Variants in FMNL3 observed in about 807,000 individuals in gnomAD.
FMNL3 encodes formin-like protein 3.
In FMNL3, 57 loss-of-function variants were observed where a neutral mutation model predicts 119.6. The observed-to-expected ratio is 0.48, with a 90% CI of 0.39 to 0.59. The LOEUF is 0.59. FMNL3 is among the 20% of genes least tolerant of loss of function. The probability of loss-of-function intolerance (pLI) is 0.00; values close to 1 mark genes in which losing one functional copy is unlikely to be tolerated. For missense variants in FMNL3, 1,053 were observed against 1,323.5 expected, an observed-to-expected ratio of 0.80 and a Z score of 3.17; for synonymous variants, 491 against 507.3, an observed-to-expected ratio of 0.97 and a Z score of 0.43.
At chr12:49,699,221 T>C (rs1253719333) in intron 1 of FMNL3, among the ~76,000 whole-genome samples, 1 of 152,144 alleles carries the variant, frequency 6.6e-6, no homozygotes, top group Non-Finnish European at 1.5e-5. Context: ...CAGCCAACAC[T>C]GCTGTCCCAT....
intron 1 of FMNL3, among the ~76,000 whole-genome samples, chr12:49,669,855 A>AAAACC (rs1304281885): frequency 6.6e-6 from 1 of 152,038 alleles, no homozygotes; most frequent in Non-Finnish European, 1.5e-5. Flanking sequence ...AAAACAAAAC[A>AAAACC]AAACAAAACA....
In FMNL3 at chr12:49,644,088, T is replaced by G; in HGVS notation, c.*1727A>C. Reference sequence around the variant, plus strand: ...TGCAGGCTAAGGGTGAACTGTGCCTTTGCTCCAACAGACAGGCTGGGACAC... The same window carrying G: ...TGCAGGCTAAGGGTGAACTGTGCCTGTGCTCCAACAGACAGGCTGGGACAC... On this transcript the variant is annotated 3_prime_UTR_variant, in exon 26 of 26. Coordinates refer to ENST00000335154, the MANE Select transcript of FMNL3 (RefSeq NM_175736.5). 1 of 1,614,140 alleles carries G rather than the reference T, an allele frequency of 6.2e-7. No homozygotes were observed. The highest frequency in any genetic ancestry group is 8.5e-7 in the Non-Finnish European group (1 of 1,180,028).
Position 49,644,358 on chromosome 12 carries a change from G to A in FMNL3, c.*1457C>T, listed in dbSNP as rs1943059938. On this transcript the variant is annotated 3_prime_UTR_variant, in exon 26 of 26. Transcript: ENST00000335154. ...GGCACCTCTCAAGGTTGCTCTTGGT[G>A]TTCAAGGGTCCCCTACTCCCTGGAC... 4 of 767,662 alleles carry A rather than the reference G, an allele frequency of 5.2e-6. No homozygotes were observed. The highest frequency in any genetic ancestry group is 1.7e-5 in the South Asian group (1 of 59,320). 47.6% of individuals were successfully genotyped at this position (767,662 alleles called of 1,614,324 possible). A position where few individuals can be genotyped will look rare whatever the true frequency, so the allele number is the denominator to read the frequency against.
chr12:49,636,714 A>C lies in FMNL3; in HGVS notation c.*9101T>G. The C allele has an allele frequency of 6.2e-7, 1 of 1,614,048 alleles. No homozygotes were observed. Among genetic ancestry groups the C allele is most frequent in the Non-Finnish European group, 8.5e-7 (1 of 1,179,926 alleles). Reference sequence around the variant, plus strand: ...CCCGCGGAACCTCCTGCCTGTCTTTAGACATGGACAAGGAAGATGCACTGA... The same window carrying C: ...CCCGCGGAACCTCCTGCCTGTCTTTCGACATGGACAAGGAAGATGCACTGA... On this transcript the variant is annotated 3_prime_UTR_variant, in exon 26 of 26. Transcript: ENST00000335154.
Position 49,638,904 on chromosome 12 carries a change from T to A in FMNL3, c.*6911A>T, listed in dbSNP as rs140570681. 1 of 152,238 alleles carries A rather than the reference T, an allele frequency of 6.6e-6. No individual in the cohort carries two copies. The allele number at this position is 152,238 out of a possible 1,614,324, so 9.4% of individuals were successfully genotyped here. A position where few individuals can be genotyped will look rare whatever the true frequency, so the allele number is the denominator to read the frequency against. On this transcript the variant is annotated 3_prime_UTR_variant, in exon 26 of 26. Transcript: ENST00000335154. ...TAGAAATGTCTCACTGCATATACAT[T>A]TCTTTGAAGTACTGTTTTGCCTTAC... is the stretch of plus-strand genomic sequence containing the variant.
At chr12:49,703,265 C>T (rs567463165) in intron 1 of FMNL3, among the ~76,000 whole-genome samples, 2 of 152,278 alleles carry the variant, frequency 1.3e-5, no homozygotes, top group Admixed American at 6.5e-5. Context: ...TATGGAAAGT[C>T]CAGTACTGGC....
chr12:49,664,355 T>C (rs558303045), intron 4 of FMNL3, among the ~76,000 whole-genome samples: 1 of 152,156 alleles, frequency 6.6e-6, no homozygotes, highest in African/African-American at 2.4e-5. Context: ...CAGTGAGTCA[T>C]GATCATGTCA....
At chr12:49,690,741 T>C (rs192176993) in intron 1 of FMNL3, among the ~76,000 whole-genome samples, 2 of 152,232 alleles carry the variant, frequency 1.3e-5, no homozygotes, top group Admixed American at 6.5e-5. Context: ...TCCAAAGCAG[T>C]AGTAAGAGCA....
At chr12:49,651,759 G>C (rs1943409806) in intron 14 of FMNL3, among the ~76,000 whole-genome samples, 174 bp downstream of exon 14, 1 of 152,202 alleles carries the variant, frequency 6.6e-6, no homozygotes. Context: ...TCCCTGTGCT[G>C]ATAACTTGAG....
At chr12:49,697,532 T>G (rs1015086340) in intron 1 of FMNL3, among the ~76,000 whole-genome samples, 14 of 152,316 alleles carry the variant, frequency 9.2e-5, no homozygotes, top group African/African-American at 3.4e-4. Context: ...TTTAACAGCC[T>G]TGGCTCTCAG....
Position 49,653,412 on chromosome 12 carries a change from G to A in FMNL3, c.1222-85C>T, listed in dbSNP as rs183959157. 9.6e-5 allele frequency: 133 copies of A among 1,387,142 alleles called. 2 individuals are homozygous for A. The highest frequency in any genetic ancestry group is 8.2e-4 in the African/African-American group (58 of 70,632). The allele number at this position is 1,387,142 out of a possible 1,614,324, so 85.9% of individuals were successfully genotyped here. A position where few individuals can be genotyped will look rare whatever the true frequency, so the allele number is the denominator to read the frequency against. ...CTGAACCCTAGTCAAGACCTGAGTC[G>A]GACCCCTCAACACAAGGCCACAAAG... On this transcript the variant is annotated intron_variant, in intron 12 of 25. Coordinates refer to ENST00000335154, the MANE Select transcript of FMNL3 (RefSeq NM_175736.5).
chr12:49,675,270 C>T (rs1335378223), intron 1 of FMNL3, among the ~76,000 whole-genome samples: 1 of 152,216 alleles, frequency 6.6e-6, no homozygotes, highest in Non-Finnish European at 1.5e-5. Flanking sequence ...TAAAAAGCTA[C>T]TGCCACAGCA....
chr12:49,685,387 AGGAGGT>A (rs1944432286), intron 1 of FMNL3, among the ~76,000 whole-genome samples: 1 of 151,938 alleles, frequency 6.6e-6, no homozygotes, highest in South Asian at 2.1e-4. Flanking sequence ...ACCTGAACCC[AGGAGGT>A]GGAGGTTGCA....
intron 4 of FMNL3, among the ~76,000 whole-genome samples, chr12:49,662,868 T>C (rs898528360): frequency 1.3e-5 from 2 of 152,312 alleles, no homozygotes; most frequent in East Asian, 1.9e-4. Flanking sequence ...ATATGACAGG[T>C]TCATTCCATA....
intron 1 of FMNL3, among the ~76,000 whole-genome samples, chr12:49,688,135 G>A (rs1010175786): frequency 2.0e-5 from 3 of 152,196 alleles, no homozygotes; most frequent in African/African-American, 7.2e-5. Flanking sequence ...GCCAAACACT[G>A]GGGCCAGCCT....
intron 13 of FMNL3, 73 bp downstream of exon 13, chr12:49,653,153 G>A: frequency 7.3e-7 from 1 of 1,371,720 alleles, no homozygotes; most frequent in Non-Finnish European, 1.0e-6. Flanking sequence ...TATGACTCAG[G>A]GAAAAAAAGC....
Position 49,649,008 on chromosome 12 carries a change from AC to A in FMNL3, c.2515+20del, listed in dbSNP as rs772209799. 5 of 1,568,554 alleles carry A rather than the reference AC, an allele frequency of 3.2e-6. No individual in the cohort carries two copies. In the African/African-American group the frequency reaches 6.8e-5, roughly 21 times the overall value. ...CTGGGCTGGATGTGAGGGCAGGCCC[AC>A]CCAGCCAGGCTCTCCTCACCTGCTG... is the stretch of plus-strand genomic sequence containing the variant. On this transcript the variant is annotated intron_variant, in intron 21 of 25. Transcript: ENST00000335154. The surrounding 1 kb of genome is among the most constrained non-coding windows in gnomAD (Gnocchi z 5.6).
At chr12:49,700,952 G>A (rs1161219973) in intron 1 of FMNL3, among the ~76,000 whole-genome samples, 11 of 150,238 alleles carry the variant, frequency 7.3e-5, no homozygotes, top group East Asian at 4.0e-4. Flanking sequence ...GGTGGTGGGC[G>A]TCTGTAATCC....
Position 49,637,084 on chromosome 12 carries a change from A to T in FMNL3, c.*8731T>A. ...CACCACCCAGAAACTGCCAGTAGAG[A>T]GCACCCTACAGGCATGACTTGGCAG... is the stretch of plus-strand genomic sequence containing the variant. On this transcript the variant is annotated 3_prime_UTR_variant, in exon 26 of 26. Coordinates refer to ENST00000335154, the MANE Select transcript of FMNL3 (RefSeq NM_175736.5). 1 of 633,848 alleles carries T rather than the reference A, an allele frequency of 1.6e-6. No individual in the cohort carries two copies. Among genetic ancestry groups the T allele is most frequent in the Non-Finnish European group, 2.7e-6 (1 of 371,824 alleles). 39.3% of individuals were successfully genotyped at this position (633,848 alleles called of 1,614,324 possible).
Sources: gnomAD v4.1 joint callset for allele counts (sites outside exome capture counted in the v4.1 genomes callset) on GRCh38, gnomAD v4.1.1 for gene constraint, Gnocchi (gnomAD v3.1) non-coding constraint, MANE v1.5 for transcripts, NCBI Gene and HGNC (gene_info 2026-07-23, HGNC 2026-07-21) for gene names.